The following UIMC1 variants were observed in gnomAD, a reference collection of about 807,000 sequenced individuals.
UIMC1 encodes ubiquitin interaction motif containing 1.
In UIMC1, 42 loss-of-function variants were observed where a neutral mutation model predicts 84.9. The ratio of observed to expected loss-of-function variants is 0.49; its 90% CI spans 0.39 to 0.64. UIMC1 has a LOEUF of 0.64. Ranked by LOEUF, UIMC1 falls within the 30% of genes least tolerant of loss-of-function variation. The pLI is 0.00. For synonymous variants in UIMC1, 281 were observed against 293.0 expected, an observed-to-expected ratio of 0.96 and a Z score of 0.42; for missense variants, 825 against 847.6, an observed-to-expected ratio of 0.97 and a Z score of 0.33.
chr5:176,923,754 C>T (rs1482979691), intron 10 of UIMC1, among the ~76,000 whole-genome samples: 1 of 150,978 alleles, frequency 6.6e-6, no homozygotes, highest in Admixed American at 6.6e-5. Flanking sequence ...ATCCCAGCTA[C>T]TCAGGAGGCT....
intron 1 of UIMC1, among the ~76,000 whole-genome samples, chr5:176,986,221 G>A (rs886776811): frequency 2.6e-5 from 4 of 151,536 alleles, no homozygotes; most frequent in South Asian, 2.1e-4. Context: ...TTAGCTCGGC[G>A]TGGTGGCGTG....
At chr5:177,013,423 G>C (rs1739727249) in intron 1 of UIMC1, among the ~76,000 whole-genome samples, 1 of 150,830 alleles carries the variant, frequency 6.6e-6, no homozygotes, top group East Asian at 1.9e-4. Flanking sequence ...CTGATCATAA[G>C]AGAGGAAACT....
At chr5:176,940,404 G>A (rs1764262855) in intron 10 of UIMC1, among the ~76,000 whole-genome samples, 1 of 152,018 alleles carries the variant, frequency 6.6e-6, no homozygotes, top group Non-Finnish European at 1.5e-5. Context: ...GAGCTCAATG[G>A]GGCATTCAGT....
chr5:176,931,141 G>A (rs1323849123), intron 10 of UIMC1, among the ~76,000 whole-genome samples: 2 of 152,056 alleles, frequency 1.3e-5, no homozygotes, highest in Non-Finnish European at 2.9e-5. Context: ...CAGTAAAATG[G>A]AGATAACAAA....
Position 176,982,526 on chromosome 5 carries a change from C to T in UIMC1, c.90G>A (p.Val30=), listed in dbSNP as rs772113279. ...KDVETTSSVS[V]KRKRRLEDAF... ...CATCCTCAAGTCTACGCTTCCTCTT[C>T]ACACTGACAGAACTGGTAGTTTCCA... The change falls in exon 2 of 15, where the codon GTG becomes GTA. Residue 30 remains valine (V), a synonymous_variant. Transcript: ENST00000511320. 8 of 1,614,158 alleles carry T rather than the reference C, an allele frequency of 5.0e-6. No individual in the cohort carries two copies. The African/African-American group carries it at 5.3e-5, about 11-fold the overall frequency.
intron 2 of UIMC1, among the ~76,000 whole-genome samples, chr5:176,977,589 A>G (rs1205748891): frequency 6.8e-6 from 1 of 147,306 alleles, no homozygotes; most frequent in African/African-American, 2.6e-5. Flanking sequence ...TCTCAAAAAA[A>G]AAAAAAAAGA....
intron 1 of UIMC1, among the ~76,000 whole-genome samples, chr5:177,021,704 G>A (rs1032275397): frequency 1.3e-5 from 2 of 152,018 alleles, no homozygotes; most frequent in Non-Finnish European, 2.9e-5. Context: ...CCAGGCTGGG[G>A]TGCAATGGCG....
chr5:176,976,179 A>T (rs1012442245), intron 2 of UIMC1, among the ~76,000 whole-genome samples: 24 of 151,782 alleles, frequency 1.6e-4, no homozygotes, highest in Non-Finnish European at 2.4e-4. Context: ...AATTTTTTTT[A>T]AATTAGCCAG....
Position 176,911,870 on chromosome 5 carries a change from C to T in UIMC1, c.1598-481G>A, listed in dbSNP as rs1010921236. On this transcript the variant is annotated intron_variant, in intron 10 of 14. Coordinates refer to ENST00000511320, the MANE Select transcript of UIMC1 (RefSeq NM_001199298.2). Reference sequence around the variant, plus strand: ...AAACTGTGGCTCAGAACAGTTAATACAACCAGTCTTTCCTCACTACACTAA... The same window carrying T: ...AAACTGTGGCTCAGAACAGTTAATATAACCAGTCTTTCCTCACTACACTAA... Among the ~76,000 whole-genome samples, 9 of 152,188 alleles carry T rather than the reference C, an allele frequency of 5.9e-5. 1 individual carries two copies. Among genetic ancestry groups the T allele is most frequent in the Non-Finnish European group, 8.8e-5 (6 of 68,026 alleles).
Position 176,997,767 on chromosome 5 carries a change from A to G in UIMC1, c.-9+8883T>C, listed in dbSNP as rs923314616. The stretch of plus-strand genomic sequence containing the variant: ...GACATTTTTGCTCTTAACATAGTCT[A>G]CAAAGTATGTCCCGTATTATCTGCC... On this transcript the variant is annotated intron_variant, in intron 1 of 14. Coordinates refer to ENST00000511320, the MANE Select transcript of UIMC1 (RefSeq NM_001199298.2). 5.3e-5 allele frequency among the ~76,000 whole-genome samples: 8 copies of G among 151,590 alleles called. 1 individual carries two copies. Among genetic ancestry groups the G allele is most frequent in the African/African-American group, 1.9e-4 (8 of 41,276 alleles).
chr5:176,911,799 C>T (rs1760251559), intron 10 of UIMC1, among the ~76,000 whole-genome samples: 1 of 152,166 alleles, frequency 6.6e-6, no homozygotes, highest in Non-Finnish European at 1.5e-5. Flanking sequence ...CGAGTGCCTA[C>T]ATGAGCTCCA....
intron 3 of UIMC1, among the ~76,000 whole-genome samples, chr5:176,971,895 G>C (rs148123173): frequency 6.6e-6 from 1 of 152,024 alleles, no homozygotes; most frequent in Admixed American, 6.5e-5. Context: ...GGTGACAAAA[G>C]CAAGACTCCA....
At chr5:176,973,292 G>A (rs1213096617) in intron 3 of UIMC1, among the ~76,000 whole-genome samples, 1 of 151,812 alleles carries the variant, frequency 6.6e-6, no homozygotes, top group Non-Finnish European at 1.5e-5. Flanking sequence ...GTTCTTGGAG[G>A]CAAAAATAAA....
At chr5:177,013,730 A>G (rs771683977) in intron 1 of UIMC1, among the ~76,000 whole-genome samples, 1 of 152,224 alleles carries the variant, frequency 6.6e-6, no homozygotes, top group Non-Finnish European at 1.5e-5. Context: ...GATTTATTAC[A>G]GCCAAAGGAT....
chr5:176,907,448 T>A (rs527439946), intron 12 of UIMC1: 2 of 348,610 alleles, frequency 5.7e-6, no homozygotes, highest in Non-Finnish European at 1.1e-5. Flanking sequence ...CAGAATAAAC[T>A]GGCTGTATAA....
intron 8 of UIMC1, among the ~76,000 whole-genome samples, chr5:176,955,018 T>C (rs1030317247): frequency 6.6e-6 from 1 of 152,104 alleles, no homozygotes; most frequent in African/African-American, 2.4e-5. Flanking sequence ...AAGTTAAACA[T>C]CAGTAGGAAG....
chr5:176,944,176 A>AC (rs2149444303), intron 9 of UIMC1, among the ~76,000 whole-genome samples: 1 of 142,916 alleles, frequency 7.0e-6, no homozygotes, highest in African/African-American at 3.0e-5. Flanking sequence ...ATAAGTCTGT[A>AC]CTTAGACCCA....
chr5:176,987,627 G>T (rs2149516042), intron 1 of UIMC1, among the ~76,000 whole-genome samples: 1 of 152,150 alleles, frequency 6.6e-6, no homozygotes, highest in African/African-American at 2.4e-5. Context: ...CTCCAGCCTG[G>T]GTGACAGAGT....
At chr5:176,974,344 G>T (rs900087462) in intron 3 of UIMC1, among the ~76,000 whole-genome samples, 1 of 151,952 alleles carries the variant, frequency 6.6e-6, no homozygotes, top group Non-Finnish European at 1.5e-5. Context: ...ATATCCATAT[G>T]GGAAAAAAAT....
Sources: gnomAD v4.1 joint callset for allele counts (sites outside exome capture counted in the v4.1 genomes callset) on GRCh38, gnomAD v4.1.1 for gene constraint, MANE v1.5 for transcripts, NCBI Gene and HGNC (gene_info 2026-07-23, HGNC 2026-07-21) for gene names.